Variants in FKBP5 observed in about 807,000 individuals in gnomAD.
The protein encoded by FKBP5 is peptidyl-prolyl cis-trans isomerase FKBP5.
FKBP5 carries 23 observed loss-of-function variants against 50.5 expected under a neutral mutation model. The observed-to-expected ratio is 0.46, with a 90% CI of 0.33 to 0.65. The LOEUF is 0.65. FKBP5 is among the 30% of genes least tolerant of loss of function. The pLI is 0.02. For missense variants in FKBP5, 411 were observed against 553.1 expected, an observed-to-expected ratio of 0.74 and a Z score of 2.58; for synonymous variants, 176 against 190.6, an observed-to-expected ratio of 0.92 and a Z score of 0.63.
At chr6:35,678,695 A>G (rs1279281781) in intron 1 of FKBP5, among the ~76,000 whole-genome samples, 3 of 152,200 alleles carry the variant, frequency 2.0e-5, no homozygotes, top group Non-Finnish European at 2.9e-5. Flanking sequence ...ATGTTTCTCT[A>G]CTTATAACAA....
chr6:35,707,216 T>TTC (rs386406702), intron 2 of FKBP5, among the ~76,000 whole-genome samples: 1 of 11,912 alleles, frequency 8.4e-5, no homozygotes, highest in African/African-American at 8.3e-4. Flanking sequence ...ATGAGAAGAC[T>TTC]TTTTTTTTTT....
intron 2 of FKBP5, among the ~76,000 whole-genome samples, chr6:35,719,146 T>C (rs1766562658): frequency 6.6e-6 from 1 of 152,218 alleles, no homozygotes; most frequent in South Asian, 2.1e-4. Context: ...TCCCAGCCAA[T>C]GATACCTTCA....
chr6:35,575,643 G>A lies in FKBP5; in HGVS notation c.*192C>T. On this transcript the variant is annotated 3_prime_UTR_variant, in exon 11 of 11. Coordinates refer to ENST00000357266, the MANE Select transcript of FKBP5 (RefSeq NM_004117.4). ...TTTGTTCCACCTGGAGTGGTCCCGT[G>A]CCACCCCTCAGTGAACCCTCCGGGC... The A allele has an allele frequency of 1.7e-6, 1 of 579,772 alleles. No homozygotes were observed. 35.9% of individuals were successfully genotyped at this position (579,772 alleles called of 1,614,324 possible). A position where few individuals can be genotyped will look rare whatever the true frequency, so the allele number is the denominator to read the frequency against.
intron 1 of FKBP5, among the ~76,000 whole-genome samples, chr6:35,652,203 A>G (rs1213808662): frequency 6.6e-6 from 1 of 152,216 alleles, no homozygotes; most frequent in Non-Finnish European, 1.5e-5. Flanking sequence ...AAGGATGTGT[A>G]TCGTCTCAGG....
intron 2 of FKBP5, among the ~76,000 whole-genome samples, chr6:35,710,530 A>G (rs1766395444): frequency 6.6e-6 from 1 of 152,178 alleles, no homozygotes; most frequent in Non-Finnish European, 1.5e-5. Flanking sequence ...AATGTGGAAC[A>G]GTTGGAACTG....
At chr6:35,673,349 A>G (rs1765440369) in intron 1 of FKBP5, among the ~76,000 whole-genome samples, 1 of 152,206 alleles carries the variant, frequency 6.6e-6, no homozygotes, top group Admixed American at 6.5e-5. Flanking sequence ...CAGGAGTTCA[A>G]GACCAGCCTA....
At chr6:35,627,879 C>T (rs1002162812) in intron 3 of FKBP5, among the ~76,000 whole-genome samples, 8 of 151,410 alleles carry the variant, frequency 5.3e-5, no homozygotes, top group African/African-American at 1.9e-4. Context: ...CTCCTGCCTC[C>T]ACCTCCCAAG....
intron 8 of FKBP5, 182 bp downstream of exon 8, chr6:35,586,852 T>C: frequency 1.4e-6 from 2 of 1,447,984 alleles, no homozygotes; most frequent in South Asian, 1.5e-5. Context: ...CTGTACTTTT[T>C]TTTTTTTCCA....
intron 5 of FKBP5, among the ~76,000 whole-genome samples, chr6:35,598,353 G>A (rs911811644): frequency 6.6e-6 from 1 of 151,994 alleles, no homozygotes; most frequent in Non-Finnish European, 1.5e-5. Flanking sequence ...CTCCGAAGTA[G>A]CTGGGATTAC....
chr6:35,631,533 C>G (rs546720223), intron 3 of FKBP5, among the ~76,000 whole-genome samples: 1 of 152,046 alleles, frequency 6.6e-6, no homozygotes. Context: ...ATTCATCAAA[C>G]TATATACTTA....
chr6:35,637,708 C>T (rs1245108991), intron 2 of FKBP5, among the ~76,000 whole-genome samples: 1 of 152,000 alleles, frequency 6.6e-6, no homozygotes, highest in Non-Finnish European at 1.5e-5. Flanking sequence ...GTGATCCACC[C>T]GCCTCAGCCT....
At chr6:35,619,895 A>G (rs1763779799) in intron 4 of FKBP5, among the ~76,000 whole-genome samples, 1 of 152,162 alleles carries the variant, frequency 6.6e-6, no homozygotes, top group African/African-American at 2.4e-5. Context: ...TTCTAAGTGT[A>G]GCGTCTTTTG....
intron 1 of FKBP5, among the ~76,000 whole-genome samples, chr6:35,646,772 T>C (rs1764642527): frequency 6.6e-6 from 1 of 152,192 alleles, no homozygotes; most frequent in Non-Finnish European, 1.5e-5. Context: ...ACCCAATGCA[T>C]CAGAAAGGGA....
chr6:35,677,418 T>G (rs541631255), intron 1 of FKBP5, among the ~76,000 whole-genome samples: 10 of 152,332 alleles, frequency 6.6e-5, no homozygotes, highest in Admixed American at 4.6e-4. Flanking sequence ...TCAGGAAATA[T>G]GAGACATGGG....
rs182950995 is a variant in FKBP5, at chr6:35,702,939, A to T, written c.-20+17389T>A. Among the ~76,000 whole-genome samples the T allele has an allele frequency of 8.5e-4, 129 of 152,218 alleles. 1 individual carries two copies. The highest frequency in any genetic ancestry group is 2.7e-3 in the African/African-American group (113 of 41,550). ...ACATTTAAAAATTCGTATTTTATCA[A>T]AAAAAAGGTTTTTTCAAAGTTAAAT... On this transcript the variant is annotated intron_variant, in intron 2 of 11. Transcript: ENST00000536438.
At chr6:35,689,201 T>A (rs1765933651), upstream of FKBP5, among the ~76,000 whole-genome samples, 1 of 152,158 alleles carries the variant, frequency 6.6e-6, no homozygotes, top group South Asian at 2.1e-4. Flanking sequence ...TGACACCCCC[T>A]CACATCTCTT....
chr6:35,689,686 C>G (rs1024970352), upstream of FKBP5, among the ~76,000 whole-genome samples: 4 of 151,614 alleles, frequency 2.6e-5, no homozygotes, highest in African/African-American at 7.3e-5. Flanking sequence ...ACTAAAAATA[C>G]AAAAATTAGC....
At chr6:35,630,576 G>A (rs1219618034) in intron 3 of FKBP5, among the ~76,000 whole-genome samples, 1 of 152,048 alleles carries the variant, frequency 6.6e-6, no homozygotes, top group East Asian at 1.9e-4. Context: ...CTGTATATCA[G>A]GCACTCGATA....
At chr6:35,727,938 G>A (rs1766752639) in intron 1 of FKBP5, among the ~76,000 whole-genome samples, 1 of 152,210 alleles carries the variant, frequency 6.6e-6, no homozygotes, top group African/African-American at 2.4e-5. Flanking sequence ...GCCGGTGAGT[G>A]GGCAGGGCTG....
Sources: gnomAD v4.1 joint callset for allele counts (sites outside exome capture counted in the v4.1 genomes callset) on GRCh38, gnomAD v4.1.1 for gene constraint, MANE v1.5 for transcripts, NCBI Gene and HGNC (gene_info 2026-07-23, HGNC 2026-07-21) for gene names.